The following TSPAN13 variants were observed in gnomAD, a reference collection of about 807,000 sequenced individuals.
TSPAN13 encodes the protein tetraspanin 13, also known as tetraspanin-13.
A neutral mutation model predicts 26.9 loss-of-function variants in TSPAN13; 18 were observed. That is an observed-to-expected ratio of 0.67 (90% CI 0.46 to 0.99). The LOEUF is 0.99. Among genes scored for constraint, TSPAN13 ranks in the 50% least tolerant of loss-of-function variants. The probability of loss-of-function intolerance (pLI) is 0.00; values close to 1 mark genes in which losing one functional copy is unlikely to be tolerated. For synonymous variants in TSPAN13, 116 were observed against 98.4 expected (o/e 1.18, Z -1.06); for missense variants, 201 against 249.6 (o/e 0.81, Z 1.31).
chr7:16,770,771 T>G (rs552604433), intron 1 of TSPAN13, among the ~76,000 whole-genome samples: 2 of 152,210 alleles, frequency 1.3e-5, no homozygotes, highest in African/African-American at 4.8e-5. Context: ...TGAGCTTTTC[T>G]CCCCCAAATG....
intron 1 of TSPAN13, among the ~76,000 whole-genome samples, chr7:16,769,793 C>T (rs1562519096): frequency 6.6e-6 from 1 of 152,070 alleles, no homozygotes; most frequent in African/African-American, 2.4e-5. Context: ...CACCACAATG[C>T]TGAATAGATG....
chr7:16,760,581 A>T (rs6942785), intron 1 of TSPAN13, among the ~76,000 whole-genome samples: 63,592 of 151,610 alleles, frequency 0.42, 13,696 homozygotes, highest in African/African-American at 0.46. Context: ...CCACACTGTT[A>T]TTCAGGGGAG....
intron 1 of TSPAN13, among the ~76,000 whole-genome samples, chr7:16,755,082 C>A (rs1784467794): frequency 6.6e-6 from 1 of 151,978 alleles, no homozygotes; most frequent in African/African-American, 2.4e-5. Context: ...CCTCTTCTGT[C>A]ATCATCCCTC....
Position 16,783,619 on chromosome 7 carries a change from T to A in TSPAN13, c.*128T>A. On this transcript the variant is annotated 3_prime_UTR_variant, in exon 6 of 6. Coordinates refer to ENST00000262067, the MANE Select transcript of TSPAN13 (RefSeq NM_014399.4). ...GAAAAGTACCTTATTGATAGTGGAA[T>A]TATATATTTTTACTCTATGTTTCTC... 1 of 811,696 alleles carries A rather than the reference T, an allele frequency of 1.2e-6. No homozygotes were observed. Among genetic ancestry groups the A allele is most frequent in the Non-Finnish European group, 2.0e-6 (1 of 496,562 alleles). The allele number at this position is 811,696 out of a possible 1,614,324, so 50.3% of individuals were successfully genotyped here.
intron 1 of TSPAN13, among the ~76,000 whole-genome samples, chr7:16,757,429 C>T (rs1006538160): frequency 2.0e-5 from 3 of 151,912 alleles, no homozygotes; most frequent in Admixed American, 6.6e-5. Context: ...TATTAAAATA[C>T]GTAATATTTT....
intron 1 of TSPAN13, among the ~76,000 whole-genome samples, chr7:16,754,499 G>T (rs1228829406): frequency 1.3e-5 from 2 of 152,218 alleles, no homozygotes; most frequent in Non-Finnish European, 2.9e-5. Context: ...GTGCCTCTGG[G>T]TTAGCTCTTG....
At chr7:16,777,942 A>G in intron 4 of TSPAN13, 31 bp downstream of exon 4, 1 of 1,495,102 alleles carries the variant, frequency 6.7e-7, no homozygotes, top group Non-Finnish European at 9.2e-7. Context: ...ATGTTTTTGG[A>G]AATGTATTAC....
intron 1 of TSPAN13, among the ~76,000 whole-genome samples, chr7:16,774,263 AATAG>A (rs1363525571): frequency 6.6e-6 from 1 of 152,146 alleles, no homozygotes; most frequent in Non-Finnish European, 1.5e-5. Flanking sequence ...ATTTTCACTC[AATAG>A]ATAGATAGAT....
At chr7:16,757,376 TA>T (rs1473992101) in intron 1 of TSPAN13, among the ~76,000 whole-genome samples, 3 of 152,194 alleles carry the variant, frequency 2.0e-5, no homozygotes, top group South Asian at 2.1e-4. Flanking sequence ...AAATTATGCT[TA>T]GTGATTTGTG....
intron 4 of TSPAN13, among the ~76,000 whole-genome samples, chr7:16,778,610 C>T (rs1039964350): frequency 6.6e-6 from 1 of 152,194 alleles, no homozygotes; most frequent in African/African-American, 2.4e-5. Context: ...GGAGGTCTCT[C>T]TCTGCAACTA....
intron 1 of TSPAN13, among the ~76,000 whole-genome samples, chr7:16,754,518 G>A (rs1784460643): frequency 6.6e-6 from 1 of 152,184 alleles, no homozygotes; most frequent in Non-Finnish European, 1.5e-5. Context: ...TGGTACCCTC[G>A]GGATTTTAAT....
chr7:16,773,290 T>G (rs4721538), intron 1 of TSPAN13, among the ~76,000 whole-genome samples: 45,737 of 151,336 alleles, frequency 0.3, 7,610 homozygotes, highest in Non-Finnish European at 0.37. Context: ...TCATTGACTA[T>G]TTTTGTACAG....
chr7:16,753,822 C>T lies in TSPAN13; in HGVS notation c.-146C>T, dbSNP rs1474013701. The stretch of plus-strand genomic sequence containing the variant: ...GCCGCCGCCGCGCGCGCGCCGCGCA[C>T]TGCAGCCCCAGGCCCCGGCCCCCCA... On this transcript the variant is annotated 5_prime_UTR_variant, in exon 1 of 6. Coordinates refer to ENST00000262067, the MANE Select transcript of TSPAN13 (RefSeq NM_014399.4). 1.2e-5 allele frequency: 10 copies of T among 840,324 alleles called. No homozygotes were observed. The highest frequency in any genetic ancestry group is 1.5e-5 in the Non-Finnish European group (8 of 524,528). The allele number at this position is 840,324 out of a possible 1,614,324, so 52.1% of individuals were successfully genotyped here.
At chr7:16,773,812 G>A (rs1045358871) in intron 1 of TSPAN13, among the ~76,000 whole-genome samples, 2 of 152,132 alleles carry the variant, frequency 1.3e-5, no homozygotes, top group African/African-American at 4.8e-5. Context: ...TCTTATTCAT[G>A]CTTCTTATCT....
At chr7:16,775,585 C>T (rs71540771) in intron 1 of TSPAN13, among the ~76,000 whole-genome samples, 2,741 of 152,278 alleles carry the variant, frequency 0.018, 41 homozygotes, top group Non-Finnish European at 0.03. Context: ...GGGACCCGGT[C>T]TTGTGATAGA....
At chr7:16,764,935 T>C (rs1252868910) in intron 1 of TSPAN13, among the ~76,000 whole-genome samples, 1 of 48,914 alleles carries the variant, frequency 2.0e-5, no homozygotes, top group Non-Finnish European at 4.0e-5. Flanking sequence ...TTTGTTTTTG[T>C]TTTTTTTTTG....
rs1784449475 is a variant in TSPAN13 at position 16,753,828 on chromosome 7, C to G, written c.-140C>G. On this transcript the variant is annotated 5_prime_UTR_variant, in exon 1 of 6. Transcript: ENST00000262067. ...GCCGCGCGCGCGCCGCGCACTGCAG[C>G]CCCAGGCCCCGGCCCCCCACCCACG... The G allele has an allele frequency of 1.1e-6, 1 of 893,882 alleles. No individual in the cohort carries two copies. The highest frequency in any genetic ancestry group is 1.8e-6 in the Non-Finnish European group (1 of 565,522). 55.4% of individuals were successfully genotyped at this position (893,882 alleles called of 1,614,324 possible). A position where few individuals can be genotyped will look rare whatever the true frequency, so the allele number is the denominator to read the frequency against.
chr7:16,764,613 G>A (rs1027197416), intron 1 of TSPAN13, among the ~76,000 whole-genome samples: 5 of 152,078 alleles, frequency 3.3e-5, no homozygotes, highest in African/African-American at 1.2e-4. Context: ...AAGGTCATAT[G>A]AGTGGAGTCC....
In TSPAN13 at chr7:16,776,197, G is replaced by C. The variant is rs200845289; in HGVS notation, c.64-14G>C. 4.3e-6 allele frequency: 7 copies of C among 1,612,228 alleles called. No homozygotes were observed. The South Asian group carries it at 7.7e-5, about 18-fold the overall frequency. On this transcript the variant is annotated splice_polypyrimidine_tract_variant and intron_variant, in intron 1 of 5. Transcript: ENST00000262067. ...CTCTCGTCCTCTACCCCTGCCCCCT[G>C]GGTGTTTTTGCAGTTGGTTAGTCTG...
Sources: allele counts gnomAD v4.1 joint callset (sites outside exome capture counted in the v4.1 genomes callset), GRCh38; gene constraint gnomAD v4.1.1; transcripts MANE v1.5; gene names NCBI Gene and HGNC (gene_info 2026-07-23, HGNC 2026-07-21).